Variants in PACSIN2 observed in about 807,000 individuals in gnomAD.
PACSIN2 encodes the protein protein kinase C and casein kinase substrate in neurons protein 2.
A neutral mutation model predicts 63.8 loss-of-function variants in PACSIN2; 25 were observed. The ratio of observed to expected loss-of-function variants is 0.39; its 90% CI spans 0.29 to 0.55. PACSIN2 has a LOEUF of 0.55. PACSIN2 is among the 20% of genes least tolerant of loss of function. The probability of loss-of-function intolerance (pLI) is 0.62; values close to 1 mark genes in which losing one functional copy is unlikely to be tolerated. For synonymous variants in PACSIN2, 255 were observed against 256.2 expected, an observed-to-expected ratio of 1.00 and a Z score of 0.05; for missense variants, 518 against 646.9, an observed-to-expected ratio of 0.80 and a Z score of 2.16.
intron 4 of PACSIN2, among the ~76,000 whole-genome samples, chr22:42,889,328 G>C (rs1929726069): frequency 6.8e-6 from 1 of 147,688 alleles, no homozygotes; most frequent in Non-Finnish European, 1.5e-5. Context: ...GACCATACTA[G>C]GGGGCAGGGC....
chr22:42,925,550 C>T (rs1287267711), intron 1 of PACSIN2, among the ~76,000 whole-genome samples: 2 of 151,824 alleles, frequency 1.3e-5, no homozygotes, highest in Non-Finnish European at 2.9e-5. Flanking sequence ...ACTGCTACAG[C>T]CCCAGCATCC....
chr22:42,940,466 C>A (rs983294329), intron 1 of PACSIN2, among the ~76,000 whole-genome samples: 10 of 152,296 alleles, frequency 6.6e-5, no homozygotes, highest in South Asian at 6.2e-4. Flanking sequence ...CCTCCTCAAT[C>A]CACTCCTCCT....
intron 1 of PACSIN2, among the ~76,000 whole-genome samples, chr22:42,937,527 C>T (rs186867370): frequency 9.2e-5 from 14 of 152,286 alleles, no homozygotes; most frequent in East Asian, 7.7e-4. Context: ...CTAGATGTCC[C>T]GGCTCGATCA....
At chr22:42,969,900 C>A (rs71329170) in intron 1 of PACSIN2, among the ~76,000 whole-genome samples, 3,013 of 135,082 alleles carry the variant, frequency 0.022, 38 homozygotes, top group Non-Finnish European at 0.034. Context: ...GAGATGCTGG[C>A]CCTTAAAAAA....
intron 3 of PACSIN2, among the ~76,000 whole-genome samples, chr22:42,892,082 T>C (rs963228580): frequency 1.3e-5 from 2 of 152,146 alleles, no homozygotes; most frequent in African/African-American, 2.4e-5. Context: ...TGGACCAGTA[T>C]GGCAGGAGGG....
At chr22:42,944,425 GT>G (rs35435409) in intron 1 of PACSIN2, among the ~76,000 whole-genome samples, 1 of 152,186 alleles carries the variant, frequency 6.6e-6, no homozygotes, top group African/African-American at 2.4e-5. Context: ...GACAATGCCA[GT>G]TTTGGTGGGG....
intron 1 of PACSIN2, among the ~76,000 whole-genome samples, chr22:42,954,680 C>CA (rs1488845815): frequency 6.6e-6 from 1 of 152,134 alleles, no homozygotes; most frequent in Non-Finnish European, 1.5e-5. Context: ...CCACACTGGA[C>CA]ATCGCAGTTC....
chr22:42,953,138 A>G (rs1171684915), intron 1 of PACSIN2, among the ~76,000 whole-genome samples: 1 of 152,172 alleles, frequency 6.6e-6, no homozygotes, highest in African/African-American at 2.4e-5. Flanking sequence ...GAAAAAAAAA[A>G]CTGGACAAGT....
At position 42,913,058 on chromosome 22, in the gene PACSIN2, T is replaced by C. The variant is rs975386883; in HGVS notation, c.-77-901A>G. On this transcript the variant is annotated intron_variant, in intron 1 of 10. Coordinates refer to ENST00000263246, the MANE Select transcript of PACSIN2 (RefSeq NM_001184970.3). ...TGATTCTCTGTGACACAGCCTGGAA[T>C]TGGAGCAAGAAACACAGACTCCAGA... Among the ~76,000 whole-genome samples, 9 of 152,222 alleles carry C rather than the reference T, an allele frequency of 5.9e-5. No individual in the cohort carries two copies. The South Asian group carries it at 1.9e-3, about 31-fold the overall frequency.
At chr22:42,997,172 G>A (rs1033247798) in intron 1 of PACSIN2, among the ~76,000 whole-genome samples, 2 of 152,222 alleles carry the variant, frequency 1.3e-5, no homozygotes, top group Non-Finnish European at 2.9e-5. Flanking sequence ...TGACCAGAAT[G>A]TAAGATCATG....
rs532370848 is a variant in PACSIN2, at chr22:42,951,779, T to C, written c.-77-39622A>G. ...CAGCTATTGTCAACTGTCACAGTTA[T>C]TGATACTCCCCACCCTGATTACAAG... On this transcript the variant is annotated intron_variant, in intron 1 of 10. Coordinates refer to ENST00000263246, the MANE Select transcript of PACSIN2 (RefSeq NM_001184970.3). 1.9e-4 allele frequency among the ~76,000 whole-genome samples: 29 copies of C among 152,340 alleles called. 1 individual carries two copies. Among genetic ancestry groups the C allele is most frequent in the South Asian group, 6.2e-4 (3 of 4,828 alleles).
intron 1 of PACSIN2, among the ~76,000 whole-genome samples, chr22:42,924,842 T>C (rs557051685): frequency 6.3e-4 from 95 of 151,702 alleles, no homozygotes; most frequent in Non-Finnish European, 1.2e-3. Context: ...CTGCAAGCTC[T>C]GCCTCCCGGG....
intron 1 of PACSIN2, among the ~76,000 whole-genome samples, chr22:42,925,723 C>A (rs571231093): frequency 6.6e-6 from 1 of 152,308 alleles, no homozygotes; most frequent in East Asian, 1.9e-4. Flanking sequence ...GGTTAGAATT[C>A]TTTCGTAAAC....
intron 1 of PACSIN2, among the ~76,000 whole-genome samples, chr22:42,915,953 G>A (rs2146731364): frequency 6.6e-6 from 1 of 152,366 alleles, no homozygotes; most frequent in East Asian, 1.9e-4. Flanking sequence ...ACTGTGAGGG[G>A]AAGAAATGAA....
At chr22:43,000,206 T>C (rs1205806959) in intron 1 of PACSIN2, among the ~76,000 whole-genome samples, 1 of 152,150 alleles carries the variant, frequency 6.6e-6, no homozygotes, top group Non-Finnish European at 1.5e-5. Flanking sequence ...ACAGAGGCCC[T>C]CCTATGGGGA....
At chr22:42,934,404 C>T (rs1274852532) in intron 1 of PACSIN2, among the ~76,000 whole-genome samples, 2 of 152,174 alleles carry the variant, frequency 1.3e-5, no homozygotes, top group Non-Finnish European at 2.9e-5. Flanking sequence ...TGTGTACTCC[C>T]CCTCCTTTGG....
chr22:42,878,671 C>G (rs886895799), intron 8 of PACSIN2, among the ~76,000 whole-genome samples: 4 of 152,236 alleles, frequency 2.6e-5, no homozygotes, highest in Admixed American at 2.6e-4. Flanking sequence ...ACCTCAGCTG[C>G]CTGAGGGAAC....
chr22:42,941,049 C>T (rs544811542), intron 1 of PACSIN2, among the ~76,000 whole-genome samples: 3 of 152,316 alleles, frequency 2.0e-5, no homozygotes, highest in African/African-American at 7.2e-5. Flanking sequence ...CATCCCCCAC[C>T]TCCTCTACTC....
intron 1 of PACSIN2, among the ~76,000 whole-genome samples, chr22:42,967,966 C>T (rs373829945): frequency 6.6e-6 from 1 of 152,192 alleles, no homozygotes; most frequent in Admixed American, 6.5e-5. Context: ...ATTTTATACA[C>T]GCTCCTCAGA....
Sources: allele counts gnomAD v4.1 joint callset (sites outside exome capture counted in the v4.1 genomes callset), GRCh38; gene constraint gnomAD v4.1.1; transcripts MANE v1.5; gene names NCBI Gene and HGNC (gene_info 2026-07-23, HGNC 2026-07-21).